NFATC2IP: variants seen among roughly 807,000 people sequenced by gnomAD.
The protein encoded by NFATC2IP is nuclear factor of activated T cells 2 interacting protein.
A neutral mutation model predicts 40.2 loss-of-function variants in NFATC2IP; 25 were observed. The observed-to-expected ratio is 0.62, with a 90% confidence interval of 0.45 to 0.87. The LOEUF is 0.87. Ranked by LOEUF, NFATC2IP falls within the 40% of genes least tolerant of loss-of-function variation. NFATC2IP has a pLI of 0.00. For missense variants in NFATC2IP, 553 were observed against 555.6 expected (o/e 1.00, Z 0.05); for synonymous variants, 241 against 236.3 (o/e 1.02, Z -0.18).
chr16:28,958,948 A>G (rs1431936433), intron 6 of NFATC2IP, 43 bp from the exon 7 acceptor site: 2 of 1,605,510 alleles, frequency 1.2e-6, no homozygotes. Flanking sequence ...CCCTGCTTCC[A>G]AGCCCCCACT....
At position 28,952,444 on chromosome 16, in the gene NFATC2IP, CG is replaced by C. The variant is rs1023984614; in HGVS notation, c.460+242del. On this transcript the variant is annotated intron_variant, in intron 2 of 7. Coordinates refer to ENST00000320805, the MANE Select transcript of NFATC2IP (RefSeq NM_032815.4). ...CTGTAGTCCTGGGCGGGGCAGGAGG[CG>C]GTAAGGTGTTGAGAATCTGTGACAT... The C allele has an allele frequency of 7.8e-5, 42 of 537,514 alleles. No homozygotes were observed. In the African/African-American group the frequency reaches 8.3e-4, roughly 11 times the overall value. 33.3% of individuals were successfully genotyped at this position (537,514 alleles called of 1,614,324 possible).
At chr16:28,953,253 A>G (rs1196129400) in intron 2 of NFATC2IP, among the ~76,000 whole-genome samples, 1 of 151,516 alleles carries the variant, frequency 6.6e-6, no homozygotes, top group African/African-American at 2.4e-5. Context: ...TTGTATTTTT[A>G]GTAGAGATGG....
chr16:28,951,465 C>T, intron 1 of NFATC2IP, 67 bp downstream of exon 1: 2 of 1,331,770 alleles, frequency 1.5e-6, no homozygotes, highest in South Asian at 2.0e-5. Flanking sequence ...GAGGGGCCGG[C>T]GTTCGGGGAG....
At chr16:28,953,971 ATAGT>A (rs928944355) in intron 2 of NFATC2IP, among the ~76,000 whole-genome samples, 3 of 151,792 alleles carry the variant, frequency 2.0e-5, no homozygotes, top group African/African-American at 4.8e-5. Context: ...TGCAGCTGCC[ATAGT>A]TAGTTAGGAC....
At chr16:28,956,096 G>A in intron 4 of NFATC2IP, 38 bp downstream of exon 4, 1 of 1,613,092 alleles carries the variant, frequency 6.2e-7, no homozygotes. Context: ...ATGGAAGAGG[G>A]CAATCCGGGA....
rs766542932 is a variant in NFATC2IP at position 28,954,665 on chromosome 16, G to A, written c.561G>A (p.Lys187=). The A allele has an allele frequency of 1.2e-6, 2 of 1,612,436 alleles. No homozygotes were observed. Among genetic ancestry groups the A allele is most frequent in the Non-Finnish European group, 1.7e-6 (2 of 1,178,760 alleles). ...TKLRTKDKEE[K]KKTEFLDLDN... is the part of the protein sequence containing the mutation. ...TGAGGACTAAGGATAAAGAAGAGAA[G>A]AAAAAGACAGAGTTTCTGTGAGTGA... Residue 187 remains lysine, a synonymous_variant, in exon 3 of 8, where the codon AAG becomes AAA. Coordinates refer to ENST00000320805, the MANE Select transcript of NFATC2IP (RefSeq NM_032815.4).
rs144748139 is a variant in NFATC2IP at position 28,959,037 on chromosome 16, A to G, written c.1038A>G (p.Gln346=). 2.5e-6 allele frequency: 4 copies of G among 1,613,900 alleles called. No individual in the cohort carries two copies. Among genetic ancestry groups the G allele is most frequent in the Non-Finnish European group, 3.4e-6 (4 of 1,179,952 alleles). Residue 346 remains glutamine, a synonymous_variant, in exon 7 of 8, where the codon CAA becomes CAG. Transcript: ENST00000320805. ...CTCCAGAGGCCACAGAGACGTCCCA[A>G]CAGCTCCAGCTCCGGGTGCAGGGAA... ...TSSPEATETS[Q]QLQLRVQGKE...
In NFATC2IP at chr16:28,950,949, G is replaced by A; in HGVS notation, c.-63G>A. On this transcript the variant is annotated 5_prime_UTR_variant, in exon 1 of 8. Coordinates refer to ENST00000320805, the MANE Select transcript of NFATC2IP (RefSeq NM_032815.4). The stretch of plus-strand genomic sequence containing the variant: ...GCTGTTTGTCCAATGCAAGGCGAAA[G>A]TCGCTGAAGGGGGCGGGGCGAGGCG... 13 of 1,421,414 alleles carry A rather than the reference G, an allele frequency of 9.1e-6. No individual in the cohort carries two copies. Among genetic ancestry groups the A allele is most frequent in the South Asian group, 1.5e-5 (1 of 65,392 alleles). 88.1% of individuals were successfully genotyped at this position (1,421,414 alleles called of 1,614,324 possible).
chr16:28,965,690 C>CAA lies in NFATC2IP; in HGVS notation c.*1834_*1835dup. ...CCTGGCGACAGAGCAAGGCTCCACT[C>CAA]AAAAAAAAGATTTAAAGGGGAAAAA... On this transcript the variant is annotated 3_prime_UTR_variant, in exon 8 of 8. Coordinates refer to ENST00000320805, the MANE Select transcript of NFATC2IP (RefSeq NM_032815.4). 6.7e-6 allele frequency: 1 copy of CAA among 150,216 alleles called. No homozygotes were observed. Among genetic ancestry groups the CAA allele is most frequent in the Non-Finnish European group, 1.5e-5 (1 of 67,536 alleles). The allele number at this position is 150,216 out of a possible 1,614,324, so 9.3% of individuals were successfully genotyped here. A position where few individuals can be genotyped will look rare whatever the true frequency, so the allele number is the denominator to read the frequency against.
At position 28,950,944 on chromosome 16, in the gene NFATC2IP, C is replaced by G; in HGVS notation, c.-68C>G. 7.1e-7 allele frequency: 1 copy of G among 1,417,120 alleles called. No individual in the cohort carries two copies. Among genetic ancestry groups the G allele is most frequent in the Non-Finnish European group, 9.2e-7 (1 of 1,091,642 alleles). The allele number at this position is 1,417,120 out of a possible 1,614,324, so 87.8% of individuals were successfully genotyped here. A position where few individuals can be genotyped will look rare whatever the true frequency, so the allele number is the denominator to read the frequency against. On this transcript the variant is annotated 5_prime_UTR_variant, in exon 1 of 8. Transcript: ENST00000320805. ...AGCAGGCTGTTTGTCCAATGCAAGG[C>G]GAAAGTCGCTGAAGGGGGCGGGGCG...
chr16:28,956,109 G>T, intron 4 of NFATC2IP, 42 bp from the exon 5 acceptor site: 1 of 1,613,348 alleles, frequency 6.2e-7, no homozygotes, highest in Non-Finnish European at 8.5e-7. Context: ...ATCCGGGAGG[G>T]TGGCTGACTC....
intron 2 of NFATC2IP, among the ~76,000 whole-genome samples, chr16:28,953,200 G>A (rs972606340): frequency 3.3e-5 from 5 of 151,624 alleles, no homozygotes; most frequent in South Asian, 2.1e-4. Context: ...TCAGCCTCCC[G>A]AGTAGCAGGG....
At position 28,956,279 on chromosome 16, in the gene NFATC2IP, GA is replaced by G. The variant is rs1271595300; in HGVS notation, c.789del (p.Leu264SerfsTer59). The G allele has an allele frequency of 1.9e-6, 3 of 1,611,872 alleles. No individual in the cohort carries two copies. Among genetic ancestry groups the G allele is most frequent in the Non-Finnish European group, 1.7e-6 (2 of 1,178,162 alleles). Reference sequence around the variant, plus strand: ...GGGCCCACCCTCCCAGAGACCCCCCGACTCTTCCCACTCAAAATCCGTTGCC... The same window carrying G: ...GGGCCCACCCTCCCAGAGACCCCCCGCTCTTCCCACTCAAAATCCGTTGCC... ...VEGPTLPETP[R>X]LFPLKIRCRA... is the part of the protein sequence containing the mutation. On this transcript the variant is annotated frameshift_variant, in exon 5 of 8. Coordinates refer to ENST00000320805, the MANE Select transcript of NFATC2IP (RefSeq NM_032815.4). LOFTEE classifies it high-confidence loss of function.
intron 2 of NFATC2IP, among the ~76,000 whole-genome samples, chr16:28,953,558 C>T (rs867790425): frequency 6.6e-6 from 1 of 152,094 alleles, no homozygotes; most frequent in African/African-American, 2.4e-5. Flanking sequence ...GTAAAAGGTA[C>T]CTCTATCCCT....
At chr16:28,957,726 C>T (rs2141643719) in intron 5 of NFATC2IP, 2 of 152,208 alleles carry the variant, frequency 1.3e-5, no homozygotes, top group Admixed American at 1.3e-4. Context: ...AAACCTCCCG[C>T]CTCGGCCTCT....
Position 28,963,934 on chromosome 16 carries a change from G to A in NFATC2IP, c.*71G>A. ...GACTTTCCCTTTTTTGCCCCATAAG[G>A]GCTAGCATAAGCTGAGGTAGAACTT... On this transcript the variant is annotated 3_prime_UTR_variant, in exon 8 of 8. Transcript: ENST00000320805. 7.0e-7 allele frequency: 1 copy of A among 1,438,056 alleles called. No homozygotes were observed. The highest frequency in any genetic ancestry group is 9.7e-7 in the Non-Finnish European group (1 of 1,032,602). 89.1% of individuals were successfully genotyped at this position (1,438,056 alleles called of 1,614,324 possible).
At chr16:28,960,212 T>C (rs896484354) in intron 7 of NFATC2IP, among the ~76,000 whole-genome samples, 1 of 152,160 alleles carries the variant, frequency 6.6e-6, no homozygotes, top group Non-Finnish European at 1.5e-5. Flanking sequence ...TCATCTCAAC[T>C]TGATTATATC....
At chr16:28,956,129 C>A (rs767798609) in intron 4 of NFATC2IP, 22 bp from the exon 5 acceptor site, 1 of 1,613,788 alleles carries the variant, frequency 6.2e-7, no homozygotes, top group Admixed American at 1.7e-5. Flanking sequence ...CCAGTTGACC[C>A]AGAGTCCTGT....
At chr16:28,954,417 A>G (rs1964998306) in intron 2 of NFATC2IP, 148 bp from the exon 3 acceptor site, 2 of 549,408 alleles carry the variant, frequency 3.6e-6, no homozygotes, top group Non-Finnish European at 6.6e-6. Flanking sequence ...CCCCTTTCCC[A>G]ATATTATCAT....
Sources: allele counts gnomAD v4.1 joint callset (sites outside exome capture counted in the v4.1 genomes callset), GRCh38; gene constraint gnomAD v4.1.1; transcripts MANE v1.5; gene names NCBI Gene and HGNC (gene_info 2026-07-23, HGNC 2026-07-21).